Variants in BAZ2B observed in about 807,000 individuals in gnomAD.
BAZ2B encodes bromodomain adjacent to zinc finger domain protein 2B.
In BAZ2B, 91 loss-of-function variants were observed where a neutral mutation model predicts 246.0. That is an observed-to-expected ratio of 0.37 (90% CI 0.31 to 0.44). The LOEUF is 0.44. Ranked by LOEUF, BAZ2B falls within the 20% of genes least tolerant of loss-of-function variation. BAZ2B has a pLI of 1.00. For missense variants in BAZ2B, 2,332 were observed against 2,533.7 expected (o/e 0.92, Z 1.71); for synonymous variants, 855 against 860.0 (o/e 0.99, Z 0.10).
intron 2 of BAZ2B, among the ~76,000 whole-genome samples, chr2:159,495,329 C>CAA: frequency 6.7e-6 from 1 of 149,596 alleles, no homozygotes; most frequent in East Asian, 2.0e-4. Flanking sequence ...ACTAAAAATA[C>CAA]AAAAAATTAG....
chr2:159,337,636 C>T lies in BAZ2B; in HGVS notation c.5591G>A (p.Arg1864Gln), dbSNP rs2065893897. 3.1e-6 allele frequency: 5 copies of T among 1,614,196 alleles called. No individual in the cohort carries two copies. The highest frequency in any genetic ancestry group is 1.6e-4 in the Middle Eastern group (1 of 6,062). Residue 1864 changes from arginine to glutamine, a missense_variant, in exon 32 of 37, where the codon CGG (arginine) becomes CAG (glutamine). Physicochemically the swap from Arg to Gln is conservative, Grantham distance 43. Around this residue, in one of 9 missense-constraint regions of BAZ2B, gnomAD observed 676 missense variants for 668.6 expected, o/e 1.01. Coordinates refer to ENST00000392783, the MANE Select transcript of BAZ2B (RefSeq NM_013450.4). ...EDESSAHALE[R>Q]KSDNPLDIAV... ...TATATCTAGGGGGTTGTCACTCTTC[C>T]GTTCTAGTGCATGTGCACTGCTTTC...
the BAZ2B span, among the ~76,000 whole-genome samples, chr2:159,623,540 T>A: frequency 6.6e-4 from 100 of 152,200 alleles, no homozygotes; most frequent in African/African-American, 2.4e-3. Flanking sequence ...TTCCCAAAAG[T>A]CCAAGTTTTA....
rs960071828 is a variant in BAZ2B at position 159,350,257 on chromosome 2, A to G, written c.4314T>C (p.Cys1438=). The change falls in exon 28 of 37, where the codon TGT becomes TGC. Residue 1438 remains cysteine (C), a synonymous_variant. Transcript: ENST00000392783. ...TTTGTTCACAGTGATCTGTATTTGA[A>G]CAATTTAAACTGTCCCCAGAAGTCT... ...MFETSGDSLN[C]SNTDHCEQKE... The G allele has an allele frequency of 8.7e-6, 14 of 1,612,502 alleles. No homozygotes were observed. The highest frequency in any genetic ancestry group is 1.6e-4 in the Middle Eastern group (1 of 6,082).
chr2:159,462,064 C>T (rs1463774107), intron 3 of BAZ2B: 1 of 245,420 alleles, frequency 4.1e-6, no homozygotes, highest in East Asian at 1.2e-4. Flanking sequence ...TATACCTTGT[C>T]TAAATCAGTA....
intron 1 of BAZ2B, among the ~76,000 whole-genome samples, chr2:159,581,682 T>C (rs1230459074): frequency 2.0e-5 from 3 of 151,962 alleles, no homozygotes; most frequent in Non-Finnish European, 4.4e-5. Context: ...CAAATGTCCA[T>C]CAATGATAGA....
intron 14 of BAZ2B, among the ~76,000 whole-genome samples, chr2:159,411,696 T>C (rs1052605611): frequency 2.6e-5 from 4 of 152,196 alleles, no homozygotes; most frequent in African/African-American, 7.2e-5. Flanking sequence ...TTGCCATACA[T>C]AGCATGGGAC....
At chr2:159,525,077 A>T (rs980662827) in intron 2 of BAZ2B, among the ~76,000 whole-genome samples, 1 of 152,208 alleles carries the variant, frequency 6.6e-6, no homozygotes, top group Non-Finnish European at 1.5e-5. Flanking sequence ...AGTGGTATAA[A>T]TAAAGTACTC....
intron 27 of BAZ2B, among the ~76,000 whole-genome samples, chr2:159,367,262 C>A (rs2060316741): frequency 6.6e-6 from 1 of 152,156 alleles, no homozygotes; most frequent in African/African-American, 2.4e-5. Context: ...TCTAACTGGA[C>A]AAGGCACACC....
intron 19 of BAZ2B, chr2:159,397,088 G>A: frequency 7.0e-7 from 1 of 1,436,698 alleles, no homozygotes; most frequent in Admixed American, 2.1e-5. Flanking sequence ...TCTAGTCTAT[G>A]CCTCTCCAAC....
chr2:159,619,179 C>T (rs1431453726), upstream of BAZ2B, among the ~76,000 whole-genome samples: 1 of 151,858 alleles, frequency 6.6e-6, no homozygotes, highest in Admixed American at 6.6e-5. Context: ...ATTTTAGAAT[C>T]ATAATTCAAA....
intron 1 of BAZ2B, among the ~76,000 whole-genome samples, chr2:159,563,143 A>C (rs1255978834): frequency 6.6e-6 from 1 of 152,166 alleles, no homozygotes; most frequent in African/African-American, 2.4e-5. Flanking sequence ...TTTGTATTTT[A>C]CTGTTTTTAT....
At chr2:159,402,469 AC>A in intron 16 of BAZ2B, among the ~76,000 whole-genome samples, 1 of 152,148 alleles carries the variant, frequency 6.6e-6, no homozygotes, top group Non-Finnish European at 1.5e-5. Flanking sequence ...CAAACAAAAA[AC>A]AAAACAAAAC....
intron 1 of BAZ2B, among the ~76,000 whole-genome samples, chr2:159,574,608 T>C (rs546365028): frequency 2.0e-5 from 3 of 152,290 alleles, no homozygotes; most frequent in Admixed American, 2.0e-4. Context: ...GCAACATTAT[T>C]CATAATTATT....
At chr2:159,709,901 C>T in the BAZ2B span, among the ~76,000 whole-genome samples, 4 of 152,242 alleles carry the variant, frequency 2.6e-5, no homozygotes, top group South Asian at 8.3e-4. Context: ...CAATAAGATG[C>T]TAACTTAGAG....
intron 2 of BAZ2B, among the ~76,000 whole-genome samples, chr2:159,535,124 T>TAAAGATATACAATTATAAATAATATAATA (rs1559715964): frequency 6.6e-6 from 1 of 152,136 alleles, no homozygotes; most frequent in African/African-American, 2.4e-5. Flanking sequence ...ATAATTAAAT[T>TAAAGATATACAATTATAAATAATATAATA]GGCAAGTGCT....
At chr2:159,451,691 T>A (rs989442319) in intron 4 of BAZ2B, among the ~76,000 whole-genome samples, 1 of 152,212 alleles carries the variant, frequency 6.6e-6, no homozygotes, top group African/African-American at 2.4e-5. Context: ...GCATAGTAGA[T>A]GTCCAAAGAA....
At chr2:159,337,457 C>A in intron 32 of BAZ2B, 110 bp downstream of exon 32, 2 of 1,600,678 alleles carry the variant, frequency 1.2e-6, no homozygotes, top group Non-Finnish European at 1.7e-6. Context: ...ATCTCAATAA[C>A]CTACCCGTCA....
At chr2:159,421,945 A>G (rs1173747527) in intron 13 of BAZ2B, among the ~76,000 whole-genome samples, 1 of 152,210 alleles carries the variant, frequency 6.6e-6, no homozygotes, top group Non-Finnish European at 1.5e-5. Context: ...ATACGCCAAT[A>G]GCATCCAAGC....
At chr2:159,371,717 GTCTCTGT>G (rs1423958884) in intron 27 of BAZ2B, among the ~76,000 whole-genome samples, 1 of 152,138 alleles carries the variant, frequency 6.6e-6, no homozygotes, top group African/African-American at 2.4e-5. Context: ...GCCAAAATTA[GTCTCTGT>G]TCTCCAAGAG....
Sources: allele counts gnomAD v4.1 joint callset (sites outside exome capture counted in the v4.1 genomes callset), GRCh38; gene constraint gnomAD v4.1.1; regional missense constraint gnomAD v4.1.1; transcripts MANE v1.5; gene names NCBI Gene and HGNC (gene_info 2026-07-23, HGNC 2026-07-21).